Variants in SAMD10 observed in about 807,000 individuals in gnomAD.
SAMD10 encodes sterile alpha motif domain containing 10.
A neutral mutation model predicts 22.5 loss-of-function variants in SAMD10; 16 were observed. That is an observed-to-expected ratio of 0.71 (90% CI 0.48 to 1.08). The LOEUF is 1.08. Among genes scored for constraint, SAMD10 ranks in the 50% least tolerant of loss-of-function variants. The pLI is 0.00. For synonymous variants in SAMD10, 118 were observed against 122.2 expected (o/e 0.97, Z 0.23); for missense variants, 227 against 281.3 (o/e 0.81, Z 1.38).
In SAMD10 at chr20:63,977,414, T is replaced by G. The variant is rs1601499783; in HGVS notation, c.92-8A>C. ...AGCTGAAGTGGGCAGTGGCTGTGTG[T>G]GGGGGTGCCTGGTCAGGGCAGTCAA... is the stretch of plus-strand genomic sequence containing the variant. On this transcript the variant is annotated splice_region_variant and splice_polypyrimidine_tract_variant and intron_variant, in intron 1 of 4. Coordinates refer to ENST00000369886, the MANE Select transcript of SAMD10 (RefSeq NM_080621.5). This position sits in a 1 kb window ranked among gnomAD's most constrained non-coding sequence, Gnocchi z 5.4. 2 of 1,612,186 alleles carry G rather than the reference T, an allele frequency of 1.2e-6. No individual in the cohort carries two copies. The highest frequency in any genetic ancestry group is 1.7e-6 in the Non-Finnish European group (2 of 1,179,666).
intron 1 of SAMD10, chr20:63,978,294 C>T: frequency 2.3e-6 from 3 of 1,302,656 alleles, no homozygotes; most frequent in South Asian, 1.2e-5. Flanking sequence ...TACAGAGGGG[C>T]ACCCCACATT....
In SAMD10 at chr20:63,979,596, C is replaced by T. The variant is rs997539653; in HGVS notation, c.-129G>A. On this transcript the variant is annotated 5_prime_UTR_variant, in exon 1 of 5. Coordinates refer to ENST00000369886, the MANE Select transcript of SAMD10 (RefSeq NM_080621.5). The surrounding 1 kb of genome is among the most constrained non-coding windows in gnomAD (Gnocchi z 7.7). Reference sequence around the variant, plus strand: ...GGCCCCGCGCCCGAGCCGGTCCCCGCGGCCCGCGAGTGTGCGCGACGAGGC... The same window carrying T: ...GGCCCCGCGCCCGAGCCGGTCCCCGTGGCCCGCGAGTGTGCGCGACGAGGC... 2.0e-6 allele frequency: 2 copies of T among 984,186 alleles called. No individual in the cohort carries two copies. The highest frequency in any genetic ancestry group is 3.5e-5 in the African/African-American group (2 of 56,918). 61.0% of individuals were successfully genotyped at this position (984,186 alleles called of 1,614,324 possible). A position where few individuals can be genotyped will look rare whatever the true frequency, so the allele number is the denominator to read the frequency against.
intron 3 of SAMD10, 126 bp from the exon 4 acceptor site, chr20:63,975,958 A>G: frequency 1.9e-6 from 2 of 1,029,738 alleles, no homozygotes; most frequent in Non-Finnish European, 2.7e-6. Context: ...AGATCACTTG[A>G]GGTCAGGAGT....
At chr20:63,976,095 C>A (rs2059020375) in intron 3 of SAMD10, among the ~76,000 whole-genome samples, 1 of 151,958 alleles carries the variant, frequency 6.6e-6, no homozygotes, top group Non-Finnish European at 1.5e-5. Flanking sequence ...ATCACTTGAA[C>A]CTGGGAGGTG....
chr20:63,977,404 T>C lies in SAMD10; in HGVS notation c.94A>G (p.Thr32Ala). ...GTCCGGCAGAAGCTGAAGTGGGCAG[T>C]GGCTGTGTGTGGGGGTGCCTGGTCA... ...GFGERRDVDA[T>A]AHFSFCRTLL... The change falls in exon 2 of 5, where the codon ACT becomes GCT. Residue 32 changes from threonine to alanine, a missense_variant and splice_region_variant. Transcript: ENST00000369886. The surrounding 1 kb of genome is among the most constrained non-coding windows in gnomAD (Gnocchi z 5.4). 2 of 1,612,632 alleles carry C rather than the reference T, an allele frequency of 1.2e-6. No individual in the cohort carries two copies. The highest frequency in any genetic ancestry group is 1.7e-6 in the Non-Finnish European group (2 of 1,179,922).
In SAMD10 at chr20:63,977,013, AGTT is replaced by A; in HGVS notation, c.400_402del (p.Asn134del). The A allele has an allele frequency of 6.2e-7, 1 of 1,614,132 alleles. No individual in the cohort carries two copies. The highest frequency in any genetic ancestry group is 8.5e-7 in the Non-Finnish European group (1 of 1,180,012). On this transcript the variant is annotated inframe_deletion, in exon 3 of 5. Coordinates refer to ENST00000369886, the MANE Select transcript of SAMD10 (RefSeq NM_080621.5). This position sits in a 1 kb window ranked among gnomAD's most constrained non-coding sequence, Gnocchi z 5.4. Reference sequence around the variant, plus strand: ...GAGAAGGCCTCCACGTAGACGAGGTAGTTGTGGGGACAGTGCTTCTTGAGCCAC... The same window carrying A: ...GAGAAGGCCTCCACGTAGACGAGGTAGTGGGGACAGTGCTTCTTGAGCCAC...
chr20:63,977,095 C>T lies in SAMD10; in HGVS notation c.321G>A (p.Ser107=), dbSNP rs772620769. ...CCACGGGCCGGGTCAGGCCACCCAG[C>T]GAGGGGCTTGTATGGTACAGGCCAT... ...DHYGLYHTSP[S]LGGLTRPVVL... is the part of the protein sequence containing the mutation. The change falls in exon 3 of 5, where the codon TCG becomes TCA. Residue 107 remains serine (S), a synonymous_variant. Coordinates refer to ENST00000369886, the MANE Select transcript of SAMD10 (RefSeq NM_080621.5). The surrounding 1 kb of genome is among the most constrained non-coding windows in gnomAD (Gnocchi z 5.4). 30 of 1,613,930 alleles carry T rather than the reference C, an allele frequency of 1.9e-5. No individual in the cohort carries two copies. Among genetic ancestry groups the T allele is most frequent in the Non-Finnish European group, 2.3e-5 (27 of 1,180,028 alleles).
Position 63,975,475 on chromosome 20 carries a change from C to A in SAMD10, c.*35G>T, listed in dbSNP as rs1168524700. The A allele has an allele frequency of 1.2e-6, 2 of 1,612,234 alleles. No homozygotes were observed. Among genetic ancestry groups the A allele is most frequent in the Admixed American group, 3.4e-5 (2 of 59,488 alleles). ...CCTCCCTAGCCGTGGACTCCCATCA[C>A]AGTGCTGGGGTCTGGGTTCAAGCCT... On this transcript the variant is annotated 3_prime_UTR_variant, in exon 5 of 5. Transcript: ENST00000369886.
At chr20:63,978,151 A>G in intron 1 of SAMD10, 2 of 452,530 alleles carry the variant, frequency 4.4e-6, no homozygotes, top group South Asian at 1.8e-5. Flanking sequence ...TTGCTTGGGG[A>G]CCCACGGTGA....
chr20:63,976,848 T>G, intron 3 of SAMD10, 123 bp downstream of exon 3: 6 of 776,808 alleles, frequency 7.7e-6, no homozygotes, highest in South Asian at 1.8e-5. Flanking sequence ...AGAGGGGAGG[T>G]TGATTCACAG....
At chr20:63,978,499 C>T in intron 1 of SAMD10, 1 of 348,966 alleles carries the variant, frequency 2.9e-6, no homozygotes, top group Admixed American at 3.8e-5. Context: ...ACCCTCCCGG[C>T]CTCAGACTCA....
At position 63,977,422 on chromosome 20, in the gene SAMD10, C is replaced by A; in HGVS notation, c.92-16G>T. The A allele has an allele frequency of 6.2e-7, 1 of 1,611,450 alleles. No individual in the cohort carries two copies. The highest frequency in any genetic ancestry group is 8.5e-7 in the Non-Finnish European group (1 of 1,179,288). Reference sequence around the variant, plus strand: ...TGGGCAGTGGCTGTGTGTGGGGGTGCCTGGTCAGGGCAGTCAAGGGCAGAA... The same window carrying A: ...TGGGCAGTGGCTGTGTGTGGGGGTGACTGGTCAGGGCAGTCAAGGGCAGAA... On this transcript the variant is annotated splice_polypyrimidine_tract_variant and intron_variant, in intron 1 of 4. Coordinates refer to ENST00000369886, the MANE Select transcript of SAMD10 (RefSeq NM_080621.5). The surrounding 1 kb of genome is among the most constrained non-coding windows in gnomAD (Gnocchi z 5.4).
At position 63,977,575 on chromosome 20, in the gene SAMD10, C is replaced by T. The variant is rs1053246103; in HGVS notation, c.92-169G>A. ...AGAAGGAAGTGTGCAGGACCTGTTT[C>T]GAGGACCTCACCCAGCACAAAAAGA... On this transcript the variant is annotated intron_variant, in intron 1 of 4. Coordinates refer to ENST00000369886, the MANE Select transcript of SAMD10 (RefSeq NM_080621.5). The surrounding 1 kb of genome is among the most constrained non-coding windows in gnomAD (Gnocchi z 5.4). 2.6e-5 allele frequency among the ~76,000 whole-genome samples: 4 copies of T among 152,208 alleles called. No homozygotes were observed. The highest frequency in any genetic ancestry group is 6.5e-5 in the Admixed American group (1 of 15,282).
Position 63,977,078 on chromosome 20 carries a change from C to T in SAMD10, c.338G>A (p.Arg113Gln), listed in dbSNP as rs756337321. The T allele has an allele frequency of 2.8e-5, 46 of 1,614,088 alleles. No homozygotes were observed. Among genetic ancestry groups the T allele is most frequent in the African/African-American group, 5.3e-5 (4 of 75,030 alleles). ...CTGCTGACTCCACAGGACCACGGGC[C>T]GGGTCAGGCCACCCAGCGAGGGGCT... Reference protein sequence around the residue: ...HTSPSLGGLTRPVVLWSQQDV... With the variant: ...HTSPSLGGLTQPVVLWSQQDV... Residue 113 changes from arginine to glutamine, a missense_variant, in exon 3 of 5, where the codon CGG becomes CAG. By Grantham distance (43) the Arg-to-Gln change is conservative. Coordinates refer to ENST00000369886, the MANE Select transcript of SAMD10 (RefSeq NM_080621.5). The surrounding 1 kb of genome is among the most constrained non-coding windows in gnomAD (Gnocchi z 5.4).
intron 3 of SAMD10, 110 bp downstream of exon 3, chr20:63,976,861 G>T: frequency 9.8e-7 from 1 of 1,016,802 alleles, no homozygotes; most frequent in Non-Finnish European, 1.5e-6. Flanking sequence ...ATTCACAGGA[G>T]AAACTAGACA....
At chr20:63,978,019 C>T (rs949424604) in intron 1 of SAMD10, among the ~76,000 whole-genome samples, 2 of 152,238 alleles carry the variant, frequency 1.3e-5, no homozygotes, top group Admixed American at 6.5e-5. Flanking sequence ...CGCAAACACG[C>T]GCTGGGCTCT....
At chr20:63,976,825 G>A (rs971060540) in intron 3 of SAMD10, 146 bp downstream of exon 3, 29 of 638,694 alleles carry the variant, frequency 4.5e-5, no homozygotes, top group South Asian at 1.0e-4. Flanking sequence ...CAGATTCTGC[G>A]GAGATGAAGA....
rs2059029961 is a variant in SAMD10, at chr20:63,977,160, G to A, written c.274-18C>T. On this transcript the variant is annotated intron_variant, in intron 2 of 4. Coordinates refer to ENST00000369886, the MANE Select transcript of SAMD10 (RefSeq NM_080621.5). The surrounding 1 kb of genome is among the most constrained non-coding windows in gnomAD (Gnocchi z 5.4). ...AGCCGGCCCTGCAGGGGAGGGGCGTGGCAGGCAGAGTGAGAGTGGTGGAGA... is the reference window on the plus strand; with the variant it reads ...AGCCGGCCCTGCAGGGGAGGGGCGTAGCAGGCAGAGTGAGAGTGGTGGAGA... The A allele has an allele frequency of 6.2e-7, 1 of 1,613,132 alleles. No homozygotes were observed. Among genetic ancestry groups the A allele is most frequent in the East Asian group, 2.2e-5 (1 of 44,870 alleles).
chr20:63,976,909 G>A, intron 3 of SAMD10, 62 bp downstream of exon 3: 1 of 1,542,024 alleles, frequency 6.5e-7, no homozygotes, highest in Non-Finnish European at 8.9e-7. Flanking sequence ...GGCTGAGTGT[G>A]GGGAAGAGAC....
Sources: gnomAD v4.1 joint callset for allele counts (sites outside exome capture counted in the v4.1 genomes callset) on GRCh38, gnomAD v4.1.1 for gene constraint, Gnocchi (gnomAD v3.1) non-coding constraint, MANE v1.5 for transcripts, NCBI Gene and HGNC (gene_info 2026-07-23, HGNC 2026-07-21) for gene names.